Variants in SOX6 observed in about 807,000 individuals in gnomAD.
SOX6 encodes the protein SRY-box transcription factor 6.
SOX6 carries 11 observed loss-of-function variants against 97.8 expected under a neutral mutation model. That is an observed-to-expected ratio of 0.11 (90% CI 0.07 to 0.19). SOX6 has a LOEUF of 0.19. Among genes scored for constraint, SOX6 ranks in the 10% least tolerant of loss-of-function variants. The probability of loss-of-function intolerance (pLI) is 1.00; values close to 1 mark genes in which losing one functional copy is unlikely to be tolerated. For missense variants in SOX6, 810 were observed against 1,039.5 expected (o/e 0.78, Z 3.04); for synonymous variants, 360 against 371.4 (o/e 0.97, Z 0.35).
intron 4 of SOX6, chr11:16,484,789 C>A (rs1425378940): frequency 8.6e-6 from 3 of 348,550 alleles, no homozygotes; most frequent in African/African-American, 6.3e-5. Context: ...GTTGAGACTG[C>A]ATGACTCTTT....
At chr11:15,989,310 T>G in intron 13 of SOX6, 80 bp from the exon 14 acceptor site, 2 of 1,178,122 alleles carry the variant, frequency 1.7e-6, no homozygotes, top group African/African-American at 3.1e-5. Context: ...GCCGCCTGGG[T>G]CAGCTGTTTT....
chr11:16,465,630 ATTAATGCTGTTGC>A (rs1486711601), intron 1 of SOX6: 1 of 152,210 alleles, frequency 6.6e-6, no homozygotes, highest in Admixed American at 6.5e-5. Flanking sequence ...CTTGGGTTCC[ATTAATGCTGTTGC>A]TTAATTATCT....
intron 2 of SOX6, among the ~76,000 whole-genome samples, chr11:16,733,469 T>A (rs1327645362): frequency 6.7e-6 from 1 of 148,766 alleles, no homozygotes; most frequent in Non-Finnish European, 1.5e-5. Flanking sequence ...CAGCAAACCA[T>A]CACAAGAATA....
intron 4 of SOX6, among the ~76,000 whole-genome samples, chr11:16,513,526 G>A (rs563925757): frequency 6.6e-6 from 1 of 152,290 alleles, no homozygotes; most frequent in East Asian, 1.9e-4. Context: ...CCAGCTACCT[G>A]GGAGGCTGAA....
intron 4 of SOX6, among the ~76,000 whole-genome samples, chr11:16,552,430 T>C (rs944508464): frequency 6.6e-6 from 1 of 152,132 alleles, no homozygotes; most frequent in Non-Finnish European, 1.5e-5. Flanking sequence ...GCAATCAAAA[T>C]ATATTTCACT....
At chr11:16,103,830 G>A (rs998712372) in intron 7 of SOX6, among the ~76,000 whole-genome samples, 7 of 151,440 alleles carry the variant, frequency 4.6e-5, no homozygotes, top group African/African-American at 1.7e-4. Flanking sequence ...TATGAGGAAT[G>A]CAAAGGCATA....
chr11:16,636,225 G>A (rs929163827), intron 3 of SOX6, among the ~76,000 whole-genome samples: 4 of 152,358 alleles, frequency 2.6e-5, no homozygotes, highest in Middle Eastern at 3.4e-3. Context: ...CAGGGTCAGA[G>A]CTGCCCAAGG....
intron 1 of SOX6, among the ~76,000 whole-genome samples, chr11:16,438,820 G>C (rs1259391726): frequency 1.3e-5 from 2 of 149,866 alleles, no homozygotes; most frequent in Non-Finnish European, 2.9e-5. Flanking sequence ...ATAGTCCCTA[G>C]GTCTAAAAAG....
intron 3 of SOX6, among the ~76,000 whole-genome samples, chr11:16,633,963 A>C (rs1848747728): frequency 1.3e-5 from 2 of 152,368 alleles, no homozygotes; most frequent in South Asian, 4.1e-4. Context: ...ATAATGATCA[A>C]GATTCAATCT....
intron 4 of SOX6, among the ~76,000 whole-genome samples, chr11:16,510,986 A>G (rs1400542484): frequency 6.6e-6 from 1 of 152,164 alleles, no homozygotes; most frequent in African/African-American, 2.4e-5. Flanking sequence ...TGAATAAAAA[A>G]AATCAGCTTG....
Position 16,732,067 on chromosome 11 carries a change from C to T in SOX6, n.353+4272G>A, listed in dbSNP as rs1261448967. 2.0e-5 allele frequency among the ~76,000 whole-genome samples: 3 copies of T among 152,144 alleles called. No individual in the cohort carries two copies. In the East Asian group the frequency reaches 5.8e-4, roughly 29 times the overall value. ...GGACCTCTTCAAGGAGAACTACAAA[C>T]CACTGCTCAAGGAAATAAGAGAGGA... On this transcript the variant is annotated intron_variant and non_coding_transcript_variant, in intron 2 of 5. Transcript: ENST00000524520.
At chr11:16,569,866 C>G (rs1847918194) in intron 4 of SOX6, among the ~76,000 whole-genome samples, 1 of 45,952 alleles carries the variant, frequency 2.2e-5, no homozygotes, top group African/African-American at 1.4e-4. Flanking sequence ...AAGACTCCGT[C>G]TCAAAAAAAA....
intron 1 of SOX6, among the ~76,000 whole-genome samples, chr11:16,384,453 A>T (rs970596469): frequency 6.6e-6 from 1 of 151,990 alleles, no homozygotes; most frequent in Non-Finnish European, 1.5e-5. Context: ...CGTGAAAAAG[A>T]AAAAATGCTA....
chr11:16,119,057 G>T (rs936197821), intron 6 of SOX6, among the ~76,000 whole-genome samples: 1 of 152,018 alleles, frequency 6.6e-6, no homozygotes, highest in Non-Finnish European at 1.5e-5. Flanking sequence ...CAGAAACAGG[G>T]GATGGGGATC....
chr11:16,326,197 C>A (rs1363306688), intron 2 of SOX6, among the ~76,000 whole-genome samples: 3 of 152,134 alleles, frequency 2.0e-5, no homozygotes, highest in African/African-American at 7.2e-5. Context: ...GTTCAAATAT[C>A]TTAATGAAGA....
Position 16,425,440 on chromosome 11 carries a change from A to T in SOX6, c.-5+50875T>A, listed in dbSNP as rs549524026. Among the ~76,000 whole-genome samples, 21 of 152,340 alleles carry T rather than the reference A, an allele frequency of 1.4e-4. No individual in the cohort carries two copies. The South Asian group carries it at 4.3e-3, about 32-fold the overall frequency. ...ATGCCTTCTCTTACCACTCCTATTC[A>T]GCGTAGTATTGGAAGTCCTGGCCAG... On this transcript the variant is annotated intron_variant, in intron 1 of 15. Coordinates refer to the SOX6 transcript ENST00000396356.
intron 4 of SOX6, among the ~76,000 whole-genome samples, chr11:16,586,357 T>C (rs936694643): frequency 3.9e-5 from 6 of 152,158 alleles, no homozygotes; most frequent in Non-Finnish European, 7.3e-5. Context: ...CAAGTGTTTC[T>C]GTCTAAATAC....
chr11:16,133,060 A>G (rs1167227518), intron 6 of SOX6, among the ~76,000 whole-genome samples: 1 of 152,208 alleles, frequency 6.6e-6, no homozygotes. Flanking sequence ...CATAAAAAAA[A>G]ATGGCCTAAT....
At chr11:16,736,443 T>A (rs895181305) in exon 2 of SOX6, 1 of 152,240 alleles carries the variant, frequency 6.6e-6, no homozygotes, top group African/African-American at 2.4e-5. Flanking sequence ...CACAGTAACT[T>A]GAAGATTTAC....
Sources: gnomAD v4.1 joint callset for allele counts (sites outside exome capture counted in the v4.1 genomes callset) on GRCh38, gnomAD v4.1.1 for gene constraint, MANE v1.5 for transcripts, NCBI Gene and HGNC (gene_info 2026-07-23, HGNC 2026-07-21) for gene names.